Variants in PEMT observed in about 807,000 individuals in gnomAD.
The protein encoded by PEMT is phospholipid methyltransferase.
A neutral mutation model predicts 27.4 loss-of-function variants in PEMT; 23 were observed. The ratio of observed to expected loss-of-function variants is 0.84; its 90% CI spans 0.60 to 1.19. PEMT has a LOEUF of 1.19. PEMT is among the 50% of genes most tolerant of loss of function. PEMT has a pLI of 0.00. For missense variants in PEMT, 307 were observed against 310.1 expected, an observed-to-expected ratio of 0.99 and a Z score of 0.07; for synonymous variants, 137 against 139.1, an observed-to-expected ratio of 0.98 and a Z score of 0.11.
At position 17,513,463 on chromosome 17, in the gene PEMT, GGT is replaced by G. The variant is rs1320523925; in HGVS notation, c.321-811_321-810del. On this transcript the variant is annotated intron_variant, in intron 3 of 6. Coordinates refer to ENST00000255389, the MANE Select transcript of PEMT (RefSeq NM_148172.3). This position sits in a 1 kb window ranked among gnomAD's most constrained non-coding sequence, Gnocchi z 4.1. Reference sequence around the variant, plus strand: ...AATACAAAAATTAGCTGGGTGTGGTGGTGGGCACCTGGAATCCCAGCTACTTG... The same window carrying G: ...AATACAAAAATTAGCTGGGTGTGGTGGGGCACCTGGAATCCCAGCTACTTG... Among the ~76,000 whole-genome samples the G allele has an allele frequency of 1.3e-5, 2 of 152,148 alleles. No individual in the cohort carries two copies. Among genetic ancestry groups the G allele is most frequent in the Non-Finnish European group, 2.9e-5 (2 of 68,040 alleles).
rs1911649016 is a variant in PEMT at position 17,577,070 on chromosome 17, G to A, written c.97-43C>T. 2.1e-6 allele frequency: 3 copies of A among 1,438,082 alleles called. No individual in the cohort carries two copies. In the African/African-American group the frequency reaches 4.2e-5, roughly 20 times the overall value. 89.1% of individuals were successfully genotyped at this position (1,438,082 alleles called of 1,614,324 possible). On this transcript the variant is annotated intron_variant, in intron 1 of 6. Transcript: ENST00000255389. ...GCATCAGCACCACCCAGACACAGCA[G>A]GGCCTGTGAGCCCCCAGGAGTCGGA... is the stretch of plus-strand genomic sequence containing the variant.
intron 1 of PEMT, among the ~76,000 whole-genome samples, chr17:17,585,182 A>C (rs1021036861): frequency 3.3e-5 from 5 of 152,112 alleles, no homozygotes; most frequent in Non-Finnish European, 5.9e-5. Flanking sequence ...CACTAAACAT[A>C]CAAAAATTAG....
At chr17:17,586,688 T>A (rs1329319133) in intron 1 of PEMT, among the ~76,000 whole-genome samples, 3 of 152,134 alleles carry the variant, frequency 2.0e-5, no homozygotes, top group Non-Finnish European at 4.4e-5. Context: ...GTCAGGAATA[T>A]AAGCTTTGCC....
At chr17:17,509,825 C>T (rs1223604334) in intron 4 of PEMT, among the ~76,000 whole-genome samples, 3 of 152,198 alleles carry the variant, frequency 2.0e-5, no homozygotes, top group African/African-American at 7.2e-5. Flanking sequence ...TGGCCTTCCT[C>T]TTCTTCCTGG....
chr17:17,568,952 A>C (rs930023366), intron 2 of PEMT, among the ~76,000 whole-genome samples: 2 of 152,154 alleles, frequency 1.3e-5, no homozygotes, highest in African/African-American at 4.8e-5. Flanking sequence ...CCAGCAGGTC[A>C]AACATCCAGG....
intron 2 of PEMT, among the ~76,000 whole-genome samples, chr17:17,554,280 G>C (rs757889161): frequency 6.6e-6 from 1 of 152,200 alleles, no homozygotes; most frequent in African/African-American, 2.4e-5. Context: ...TCTGTCCCTC[G>C]GTAAACAAGG....
At chr17:17,525,539 C>T (rs140303611) in intron 2 of PEMT, among the ~76,000 whole-genome samples, 51 of 152,322 alleles carry the variant, frequency 3.3e-4, no homozygotes, top group African/African-American at 1.2e-3. Context: ...TAGGCAGCGG[C>T]GTGGCCCAGC....
intron 1 of PEMT, among the ~76,000 whole-genome samples, chr17:17,577,969 A>G (rs1377553219): frequency 6.7e-6 from 1 of 148,450 alleles, no homozygotes; most frequent in Admixed American, 6.8e-5. Context: ...GTGAGCAGAG[A>G]TCGCGCCACT....
chr17:17,589,684 A>G (rs1169041916), intron 1 of PEMT, among the ~76,000 whole-genome samples: 1 of 152,212 alleles, frequency 6.6e-6, no homozygotes, highest in East Asian at 1.9e-4. Flanking sequence ...AGGGACTGAC[A>G]TATTTTAAAA....
intron 1 of PEMT, 76 bp downstream of exon 1, chr17:17,591,455 C>A: frequency 1.6e-6 from 2 of 1,227,380 alleles, no homozygotes; most frequent in Non-Finnish European, 2.3e-6. Context: ...GCGTTTGAGG[C>A]GCCGCAAGCC....
At chr17:17,505,981 G>A (rs1323224193) in intron 6 of PEMT, 133 bp from the exon 7 acceptor site, 4 of 1,373,032 alleles carry the variant, frequency 2.9e-6, no homozygotes, top group East Asian at 2.6e-5. Context: ...CAGAGCCACT[G>A]GGGCAACACT....
intron 2 of PEMT, chr17:17,570,885 T>C (rs930680473): frequency 2.0e-6 from 2 of 984,810 alleles, no homozygotes; most frequent in East Asian, 1.1e-4. Flanking sequence ...GAAGAGGGAG[T>C]CCATCCTGGT....
Position 17,549,023 on chromosome 17 carries a change from C to CT in PEMT, c.205-26629dup, listed in dbSNP as rs796839840. ...TGCAGTGACAAGCAGCCATGGAATT[C>CT]TTTTTTTTTTTGAGACAAGGTAACC... On this transcript the variant is annotated intron_variant, in intron 2 of 6. Coordinates refer to ENST00000255389, the MANE Select transcript of PEMT (RefSeq NM_148172.3). 6.7e-3 allele frequency among the ~76,000 whole-genome samples: 981 copies of CT among 146,528 alleles called. 8 individuals are homozygous for CT. The highest frequency in any genetic ancestry group is 0.032 in the Middle Eastern group (9 of 280).
chr17:17,562,671 T>G (rs1188365994), intron 2 of PEMT, among the ~76,000 whole-genome samples: 2 of 152,174 alleles, frequency 1.3e-5, no homozygotes, highest in African/African-American at 4.8e-5. Context: ...TAGCCGGGCA[T>G]GGTGGCACAC....
intron 1 of PEMT, chr17:17,577,502 G>T: frequency 9.9e-7 from 1 of 1,010,624 alleles, no homozygotes; most frequent in Non-Finnish European, 1.2e-6. Flanking sequence ...TGCACACGAG[G>T]GTGTGAGTGG....
upstream of PEMT, chr17:17,592,019 G>C: frequency 1.0e-6 from 1 of 985,480 alleles, no homozygotes; most frequent in Non-Finnish European, 1.2e-6. Flanking sequence ...CGGGGGCCGC[G>C]GGTCGTAGCT....
intron 4 of PEMT, among the ~76,000 whole-genome samples, chr17:17,511,694 G>T (rs1012462461): frequency 2.0e-5 from 3 of 152,190 alleles, no homozygotes; most frequent in Non-Finnish European, 2.9e-5. Flanking sequence ...CGGGCAATGC[G>T]GCCAGCTGGA....
At chr17:17,535,826 T>C (rs1215950018) in intron 2 of PEMT, among the ~76,000 whole-genome samples, 1 of 152,226 alleles carries the variant, frequency 6.6e-6, no homozygotes, top group Non-Finnish European at 1.5e-5. Flanking sequence ...GTTTAGTGTA[T>C]GTTGCATATT....
intron 2 of PEMT, among the ~76,000 whole-genome samples, chr17:17,552,631 C>T (rs761595838): frequency 6.6e-6 from 1 of 152,244 alleles, no homozygotes; most frequent in Non-Finnish European, 1.5e-5. Flanking sequence ...AATGCGGCCA[C>T]GGTGGCCCTG....
Sources: gnomAD v4.1 joint callset for allele counts (sites outside exome capture counted in the v4.1 genomes callset) on GRCh38, gnomAD v4.1.1 for gene constraint, Gnocchi (gnomAD v3.1) non-coding constraint, MANE v1.5 for transcripts, NCBI Gene and HGNC (gene_info 2026-07-23, HGNC 2026-07-21) for gene names.